The following BBS9 variants were observed in gnomAD, a reference collection of about 807,000 sequenced individuals.
The protein encoded by BBS9 is protein PTHB1.
Under a neutral mutation model 117.7 loss-of-function variants are expected in BBS9, and 89 were observed. That is an observed-to-expected ratio of 0.76 (90% CI 0.64 to 0.90). The LOEUF (loss-of-function observed/expected upper bound fraction) is 0.90. Ranked by LOEUF, BBS9 falls within the 40% of genes least tolerant of loss-of-function variation. The probability of loss-of-function intolerance (pLI) is 0.00; values close to 1 mark genes in which losing one functional copy is unlikely to be tolerated. For synonymous variants in BBS9, 379 were observed against 370.9 expected (o/e 1.02, Z -0.25); for missense variants, 982 against 1,042.2 (o/e 0.94, Z 0.80).
rs139606080 is a variant in BBS9 at position 33,601,544 on chromosome 7, G to T, written c.2522-3321G>T. Among the ~76,000 whole-genome samples the T allele has an allele frequency of 2.2e-3, 336 of 152,172 alleles. 2 individuals carry two copies. The highest frequency in any genetic ancestry group is 7.7e-3 in the African/African-American group (320 of 41,528). ...TATTTTTTTCCTAGCAAAAGTATCAGATATACTCATCTGTTGTTTCTTAGC... is the reference window on the plus strand; with the variant it reads ...TATTTTTTTCCTAGCAAAAGTATCATATATACTCATCTGTTGTTTCTTAGC... On this transcript the variant is annotated intron_variant, in intron 21 of 22. Coordinates refer to ENST00000242067, the MANE Select transcript of BBS9 (RefSeq NM_198428.3).
chr7:33,358,334 A>G (rs985621227), intron 16 of BBS9, among the ~76,000 whole-genome samples: 3 of 151,884 alleles, frequency 2.0e-5, no homozygotes, highest in Non-Finnish European at 4.4e-5. Context: ...TTTTGGATAT[A>G]TCTGTCTTCT....
chr7:33,615,961 A>G (rs1290601491), intron 21 of BBS9, among the ~76,000 whole-genome samples: 3 of 152,084 alleles, frequency 2.0e-5, no homozygotes, highest in Non-Finnish European at 4.4e-5. Context: ...TGATCCTTCA[A>G]AAATGAAAGG....
intron 19 of BBS9, among the ~76,000 whole-genome samples, chr7:33,442,595 G>A (rs1289110733): frequency 3.3e-5 from 5 of 152,176 alleles, no homozygotes; most frequent in African/African-American, 1.2e-4. Context: ...ATGGAAGCAA[G>A]TGCATTCTGA....
intron 19 of BBS9, among the ~76,000 whole-genome samples, chr7:33,499,642 A>G (rs1585035867): frequency 6.6e-6 from 1 of 152,364 alleles, no homozygotes; most frequent in African/African-American, 2.4e-5. Context: ...AGGTTAATGC[A>G]GGCAGTGCTT....
At chr7:33,471,601 C>T (rs1016499956) in intron 19 of BBS9, among the ~76,000 whole-genome samples, 5 of 152,160 alleles carry the variant, frequency 3.3e-5, no homozygotes, top group African/African-American at 9.7e-5. Flanking sequence ...GGACTGATCC[C>T]AGGTCTCCTT....
intron 19 of BBS9, among the ~76,000 whole-genome samples, chr7:33,415,909 G>T (rs1349982041): frequency 6.6e-6 from 1 of 151,984 alleles, no homozygotes; most frequent in East Asian, 1.9e-4. Context: ...ATCTTGGCTC[G>T]CTGCAGCCTC....
chr7:33,368,777 A>C (rs1822302558), intron 17 of BBS9, among the ~76,000 whole-genome samples: 1 of 152,144 alleles, frequency 6.6e-6, no homozygotes, highest in African/African-American at 2.4e-5. Context: ...TTTTTGAAAA[A>C]GAAAAGTATT....
intron 7 of BBS9, among the ~76,000 whole-genome samples, chr7:33,269,524 G>C (rs1244434312): frequency 6.6e-6 from 1 of 152,112 alleles, no homozygotes; most frequent in Non-Finnish European, 1.5e-5. Flanking sequence ...CTCTAAGCTG[G>C]GGAGGGAATA....
At chr7:33,478,666 A>AT (rs562084284) in intron 19 of BBS9, among the ~76,000 whole-genome samples, 30 of 149,012 alleles carry the variant, frequency 2.0e-4, no homozygotes, top group South Asian at 4.2e-4. Context: ...TTTGTTTGTA[A>AT]TTTTTTTTTT....
At chr7:33,470,288 T>C (rs1470736865) in intron 19 of BBS9, among the ~76,000 whole-genome samples, 1 of 57,400 alleles carries the variant, frequency 1.7e-5, no homozygotes, top group Non-Finnish European at 2.8e-5. Flanking sequence ...ACACCAGCAT[T>C]CTTTTTTTTT....
chr7:33,381,917 G>T (rs533712612), intron 17 of BBS9, among the ~76,000 whole-genome samples: 5 of 152,284 alleles, frequency 3.3e-5, no homozygotes, highest in East Asian at 1.9e-4. Context: ...ATGACAAATT[G>T]AAGTCCTAAT....
intron 21 of BBS9, among the ~76,000 whole-genome samples, chr7:33,552,694 T>C (rs6957890): frequency 0.62 from 94,789 of 152,026 alleles, 30,539 homozygotes; most frequent in African/African-American, 0.77. Flanking sequence ...TCATTTTGCT[T>C]AAGCTCCAAT....
intron 18 of BBS9, 63 bp from the exon 19 acceptor site, chr7:33,387,929 T>G: frequency 6.5e-7 from 1 of 1,543,032 alleles, no homozygotes; most frequent in African/African-American, 1.4e-5. Context: ...ATTGTGTGTA[T>G]TTTTTCTTTA....
chr7:33,472,814 A>G (rs1020545531), intron 19 of BBS9, among the ~76,000 whole-genome samples: 4 of 152,224 alleles, frequency 2.6e-5, no homozygotes, highest in Admixed American at 2.6e-4. Context: ...GTGAACACGT[A>G]TACTTTATTG....
chr7:33,585,215 A>C (rs903168107), intron 21 of BBS9, among the ~76,000 whole-genome samples: 5 of 152,090 alleles, frequency 3.3e-5, no homozygotes, highest in African/African-American at 1.2e-4. Context: ...TGTCTCTTTA[A>C]GTTACTTCTG....
chr7:33,459,970 G>A (rs759194608), intron 19 of BBS9, among the ~76,000 whole-genome samples: 23 of 152,082 alleles, frequency 1.5e-4, no homozygotes, highest in Non-Finnish European at 3.2e-4. Context: ...AATGAAACCT[G>A]CAATAACATG....
chr7:33,140,357 C>CT (rs1791252950), intron 1 of BBS9, among the ~76,000 whole-genome samples: 2 of 152,148 alleles, frequency 1.3e-5, no homozygotes, highest in Admixed American at 6.5e-5. Flanking sequence ...TGTACCACTC[C>CT]TTTGTCTTCT....
At chr7:33,589,335 A>C (rs1563410827) in intron 21 of BBS9, among the ~76,000 whole-genome samples, 1 of 152,154 alleles carries the variant, frequency 6.6e-6, no homozygotes, top group East Asian at 1.9e-4. Context: ...GGATTTCATC[A>C]CACTACCCAA....
rs956143579 is a variant in BBS9 at position 33,218,610 on chromosome 7, C to T, written c.443-38626C>T. 5.9e-5 allele frequency among the ~76,000 whole-genome samples: 9 copies of T among 152,196 alleles called. No individual in the cohort carries two copies. In the South Asian group the frequency reaches 6.2e-4, roughly 10 times the overall value. On this transcript the variant is annotated intron_variant, in intron 5 of 22. Transcript: ENST00000242067. ...CCTTTTAGTTAGTTAGGATTTACCA[C>T]GGGCTTCTTCTGTGAAACTCTTTGC...
Sources: allele counts gnomAD v4.1 joint callset (sites outside exome capture counted in the v4.1 genomes callset), GRCh38; gene constraint gnomAD v4.1.1; transcripts MANE v1.5; gene names NCBI Gene and HGNC (gene_info 2026-07-23, HGNC 2026-07-21).